The following NCOR1 variants were observed in gnomAD, a reference collection of about 807,000 sequenced individuals.
NCOR1 encodes the protein nuclear receptor corepressor 1, also known as protein phosphatase 1, regulatory subunit 109.
In NCOR1, 63 loss-of-function variants were observed where a neutral mutation model predicts 288.1. The ratio of observed to expected loss-of-function variants is 0.22; its 90% CI spans 0.18 to 0.27. The LOEUF is 0.27. NCOR1 is among the 10% of genes least tolerant of loss of function. The pLI, the probability that NCOR1 is intolerant of heterozygous loss-of-function variation, is 1.00. For synonymous variants in NCOR1, 1,007 were observed against 1,065.9 expected (o/e 0.94, Z 1.08); for missense variants, 2,397 against 3,019.2 (o/e 0.79, Z 4.83).
chr17:16,031,738 A>T lies in NCOR1; in HGVS notation c.*558T>A. 1 of 229,878 alleles carries T rather than the reference A, an allele frequency of 4.4e-6. No individual in the cohort carries two copies. The highest frequency in any genetic ancestry group is 8.6e-6 in the Non-Finnish European group (1 of 115,972). The allele number at this position is 229,878 out of a possible 1,614,324, so 14.2% of individuals were successfully genotyped here. A position where few individuals can be genotyped will look rare whatever the true frequency, so the allele number is the denominator to read the frequency against. On this transcript the variant is annotated 3_prime_UTR_variant, in exon 46 of 46. Coordinates refer to ENST00000268712, the MANE Select transcript of NCOR1 (RefSeq NM_006311.4). ...TAAACATTTTCACAAGATTTTAAAC[A>T]TCACTGGAAAGCTGAATTTAGAGGA... is the stretch of plus-strand genomic sequence containing the variant.
chr17:16,147,314 CG>C (rs199708850), intron 9 of NCOR1, among the ~76,000 whole-genome samples: 3,550 of 152,104 alleles, frequency 0.023, 136 homozygotes, highest in African/African-American at 0.08. Context: ...GAGGCTGAGG[CG>C]GGAGAATCGC....
chr17:16,146,351 A>G lies in NCOR1; in HGVS notation c.1082+25T>C, dbSNP rs371935124. 1.9e-5 allele frequency: 30 copies of G among 1,555,848 alleles called. No individual in the cohort carries two copies. The African/African-American group carries it at 3.9e-4, about 20-fold the overall frequency. On this transcript the variant is annotated intron_variant, in intron 10 of 45. Coordinates refer to ENST00000268712, the MANE Select transcript of NCOR1 (RefSeq NM_006311.4). The stretch of plus-strand genomic sequence containing the variant: ...ATAAATATTTGAAGAAAAATATCAC[A>G]GTCATTAAACATCAAACTACTCACC...
At position 16,070,328 on chromosome 17, in the gene NCOR1, T is replaced by G; in HGVS notation, c.4350A>C (p.Ser1450=). 6.2e-7 allele frequency: 1 copy of G among 1,614,180 alleles called. No individual in the cohort carries two copies. The highest frequency in any genetic ancestry group is 1.7e-5 in the Admixed American group (1 of 60,022). ...AGETVRSRHT[S]VVSSGPSVLR... ...GAACGGAGGGGCCAGAGCTTACCAC[T>G]GACGTGTGCCGGGAACGCACGGTCT... Residue 1450 remains serine (S), a synonymous_variant, in exon 31 of 46, where the codon TCA becomes TCC. Transcript: ENST00000268712.
intron 3 of NCOR1, among the ~76,000 whole-genome samples, chr17:16,181,532 T>C (rs554241451): frequency 6.4e-4 from 98 of 152,180 alleles, no homozygotes; most frequent in Admixed American, 6.4e-3. Flanking sequence ...AGATCTAATG[T>C]ATAACATGAG....
At chr17:16,046,502 G>GGTAGGTAGGAGAATAACTTA (rs1398951403) in intron 42 of NCOR1, among the ~76,000 whole-genome samples, 1 of 152,190 alleles carries the variant, frequency 6.6e-6, no homozygotes, top group Non-Finnish European at 1.5e-5. Flanking sequence ...TAACTGAGAT[G>GGTAGGTAGGAGAATAACTTA]GTAGGGGTAC....
chr17:16,208,494 C>T (rs554181284), intron 1 of NCOR1, among the ~76,000 whole-genome samples: 2 of 151,884 alleles, frequency 1.3e-5, no homozygotes, highest in Non-Finnish European at 2.9e-5. Context: ...TGAACCAATC[C>T]CATGTTTACT....
rs1393060141 is a variant in NCOR1 at position 16,073,447 on chromosome 17, C to T, written c.3793G>A (p.Val1265Ile). 2 of 1,607,400 alleles carry T rather than the reference C, an allele frequency of 1.2e-6. No homozygotes were observed. Among genetic ancestry groups the T allele is most frequent in the East Asian group, 4.5e-5 (2 of 44,458 alleles). ...KQGMSMRESP[V>I]SAPLEGLICR... ...GCTTTACCCTCTAACGGTGCTGATA[C>T]AGGAGACTCCCTCATTGACATCCCT... Residue 1265 changes from valine to isoleucine, a missense_variant, in exon 28 of 46, where the codon GTA (valine) becomes ATA (isoleucine). By Grantham distance (29) the Val-to-Ile change is conservative (BLOSUM62 3). This residue lies in a region of NCOR1 where 1,872 missense variants were observed against 2,187.8 expected (regional missense o/e 0.86). Transcript: ENST00000268712.
In NCOR1 at chr17:16,070,541, C is replaced by G. The variant is rs774025932; in HGVS notation, c.4153-16G>C. The G allele has an allele frequency of 1.2e-6, 2 of 1,606,546 alleles. No homozygotes were observed. The highest frequency in any genetic ancestry group is 1.7e-6 in the Non-Finnish European group (2 of 1,175,708). On this transcript the variant is annotated splice_polypyrimidine_tract_variant and intron_variant, in intron 30 of 45. Transcript: ENST00000268712. ...TTGGTGTGCCCTAAAGGGAAAGAAA[C>G]AAACATTACAGGTAGCAAAGTCATC...
chr17:16,164,906 T>C (rs926674016), intron 5 of NCOR1, 73 bp downstream of exon 5: 24 of 1,122,188 alleles, frequency 2.1e-5, no homozygotes, highest in Non-Finnish European at 2.7e-5. Context: ...TTTCAAAATA[T>C]GGAAAACTCA....
intron 3 of NCOR1, 84 bp from the exon 4 acceptor site, chr17:16,172,079 A>G (rs1318103912): frequency 2.6e-6 from 3 of 1,153,702 alleles, no homozygotes; most frequent in Non-Finnish European, 3.6e-6. Context: ...AGACTTTGAA[A>G]TAACAAATGA....
At chr17:16,114,288 C>T (rs577169075) in intron 18 of NCOR1, among the ~76,000 whole-genome samples, 1 of 152,220 alleles carries the variant, frequency 6.6e-6, no homozygotes, top group Admixed American at 6.5e-5. Flanking sequence ...CTGGGTCCCT[C>T]CCACAACACA....
chr17:16,211,329 T>C (rs949384442), intron 1 of NCOR1, among the ~76,000 whole-genome samples: 2 of 152,036 alleles, frequency 1.3e-5, no homozygotes, highest in Admixed American at 6.6e-5. Flanking sequence ...GGCATGATCA[T>C]GGCTCACTGC....
Position 16,210,341 on chromosome 17 carries a change from G to A in NCOR1, c.-71+5021C>T, listed in dbSNP as rs569307586. The stretch of plus-strand genomic sequence containing the variant: ...AGAGGTTATGGTGACCTGAGACAGC[G>A]CCATTGCACTCCAGCCTGGGCAACA... On this transcript the variant is annotated intron_variant, in intron 1 of 45. Transcript: ENST00000268712. Among the ~76,000 whole-genome samples, 103 of 152,226 alleles carry A rather than the reference G, an allele frequency of 6.8e-4. 2 individuals are homozygous for A. The highest frequency in any genetic ancestry group is 2.3e-3 in the African/African-American group (95 of 41,546).
chr17:16,172,769 G>A (rs1336139082), intron 3 of NCOR1, among the ~76,000 whole-genome samples: 3 of 152,052 alleles, frequency 2.0e-5, no homozygotes, highest in African/African-American at 4.8e-5. Flanking sequence ...ATGTATTGTT[G>A]AGTCCTGCTC....
At position 16,098,512 on chromosome 17, in the gene NCOR1, A is replaced by C; in HGVS notation, c.2691-16T>G. ...AGGAAACATTCTGCAATTGCAATTT[A>C]AAAAAAAGATAAATGAATACATTTT... On this transcript the variant is annotated splice_polypyrimidine_tract_variant and intron_variant, in intron 20 of 45. Transcript: ENST00000268712. The C allele has an allele frequency of 1.9e-6, 3 of 1,583,120 alleles. No homozygotes were observed. Among genetic ancestry groups the C allele is most frequent in the Non-Finnish European group, 2.6e-6 (3 of 1,162,392 alleles).
At chr17:16,074,165 A>G (rs377147116) in intron 27 of NCOR1, among the ~76,000 whole-genome samples, 1 of 152,114 alleles carries the variant, frequency 6.6e-6, no homozygotes, top group African/African-American at 2.4e-5. Context: ...GACTAAAGGG[A>G]AAAGTGAGAA....
At chr17:16,100,676 T>C (rs891691817) in intron 20 of NCOR1, among the ~76,000 whole-genome samples, 1 of 152,220 alleles carries the variant, frequency 6.6e-6, no homozygotes, top group Admixed American at 6.5e-5. Flanking sequence ...ATCTGCATTA[T>C]ACCTGATATT....
chr17:16,104,795 T>C (rs2068281616), intron 19 of NCOR1, among the ~76,000 whole-genome samples: 1 of 152,060 alleles, frequency 6.6e-6, no homozygotes, highest in Non-Finnish European at 1.5e-5. Context: ...AGAAGTGATA[T>C]ATCAGGTGGT....
chr17:16,165,508 G>A (rs1284828211), intron 4 of NCOR1, among the ~76,000 whole-genome samples: 5 of 152,208 alleles, frequency 3.3e-5, no homozygotes, highest in Middle Eastern at 3.4e-3. Flanking sequence ...TCCTTGCAAC[G>A]GCTCTTCAAA....
Sources: gnomAD v4.1 joint callset for allele counts (sites outside exome capture counted in the v4.1 genomes callset) on GRCh38, gnomAD v4.1.1 for gene constraint, gnomAD v4.1.1 regional missense constraint, MANE v1.5 for transcripts, NCBI Gene and HGNC (gene_info 2026-07-23, HGNC 2026-07-21) for gene names.